Variants in R3HCC1L observed in about 807,000 individuals in gnomAD.
R3HCC1L encodes R3H domain and coiled-coil containing 1 like.
A neutral mutation model predicts 59.9 loss-of-function variants in R3HCC1L; 51 were observed. The ratio of observed to expected loss-of-function variants is 0.85; its 90% confidence interval spans 0.68 to 1.07. The LOEUF is 1.07. Ranked by LOEUF, R3HCC1L falls within the 50% of genes least tolerant of loss-of-function variation. The probability of loss-of-function intolerance (pLI) is 0.00; values close to 1 mark genes in which losing one functional copy is unlikely to be tolerated. For synonymous variants in R3HCC1L, 322 were observed against 315.2 expected (o/e 1.02, Z -0.23); for missense variants, 965 against 933.0 (o/e 1.03, Z -0.45).
intron 1 of R3HCC1L, among the ~76,000 whole-genome samples, chr10:98,154,882 C>T (rs1194695487): frequency 6.6e-6 from 1 of 152,148 alleles, no homozygotes; most frequent in Admixed American, 6.5e-5. Flanking sequence ...CTTCATGAAT[C>T]CTTGCTTAAT....
chr10:98,140,045 G>A (rs1203569284), intron 1 of R3HCC1L, among the ~76,000 whole-genome samples: 1 of 151,984 alleles, frequency 6.6e-6, no homozygotes, highest in Non-Finnish European at 1.5e-5. Context: ...CCTGTGCAGA[G>A]TGAATAATGT....
At chr10:98,174,242 G>A (rs552644401) in intron 4 of R3HCC1L, among the ~76,000 whole-genome samples, 3 of 152,122 alleles carry the variant, frequency 2.0e-5, no homozygotes, top group South Asian at 2.1e-4. Context: ...TTCATGTGTC[G>A]GGCATTGTAT....
chr10:98,147,074 T>G (rs1845728765), intron 1 of R3HCC1L, among the ~76,000 whole-genome samples: 1 of 152,200 alleles, frequency 6.6e-6, no homozygotes, highest in African/African-American at 2.4e-5. Context: ...GCATCTGTTA[T>G]GCCCTGCCTT....
intron 5 of R3HCC1L, among the ~76,000 whole-genome samples, chr10:98,213,542 G>C (rs2135347523): frequency 6.6e-6 from 1 of 152,242 alleles, no homozygotes. Context: ...AACAAAAGGG[G>C]ATTAGATCCC....
chr10:98,188,323 C>T (rs1229351824), intron 4 of R3HCC1L, among the ~76,000 whole-genome samples: 2 of 152,226 alleles, frequency 1.3e-5, no homozygotes, highest in East Asian at 1.9e-4. Context: ...CAGTAGAGAG[C>T]GCAGAATACC....
intron 4 of R3HCC1L, among the ~76,000 whole-genome samples, chr10:98,190,874 G>T (rs576578198): frequency 2.1e-5 from 3 of 139,668 alleles, no homozygotes; most frequent in East Asian, 2.1e-4. Flanking sequence ...TCATTGTTCA[G>T]TTCCTACCTA....
chr10:98,242,495 A>C (rs888128823), intron 9 of R3HCC1L, among the ~76,000 whole-genome samples: 1 of 152,202 alleles, frequency 6.6e-6, no homozygotes, highest in Non-Finnish European at 1.5e-5. Flanking sequence ...AAAGACTATA[A>C]ATAGCTTCGT....
At chr10:98,228,475 A>AT (rs1357293063) in intron 5 of R3HCC1L, among the ~76,000 whole-genome samples, 1 of 152,082 alleles carries the variant, frequency 6.6e-6, no homozygotes, top group Non-Finnish European at 1.5e-5. Flanking sequence ...GTGGATAAAG[A>AT]TATTACTCAT....
At chr10:98,222,170 GCTGT>G (rs1181192763) in intron 5 of R3HCC1L, among the ~76,000 whole-genome samples, 4 of 152,032 alleles carry the variant, frequency 2.6e-5, no homozygotes, top group African/African-American at 4.8e-5. Context: ...TCATTATTTG[GCTGT>G]CTGTTTGTCT....
chr10:98,227,219 CT>C lies in R3HCC1L; in HGVS notation c.1786-4292del, dbSNP rs754241657. On this transcript the variant is annotated intron_variant, in intron 5 of 9. Coordinates refer to ENST00000298999, the MANE Select transcript of R3HCC1L (RefSeq NM_001351015.2). ...CATCTCCTTTAGTCCATGCACTTAT[CT>C]ATGAAGTATAGGTACTGTTATTATT... 3.3e-5 allele frequency among the ~76,000 whole-genome samples: 5 copies of C among 152,274 alleles called. No homozygotes were observed. The South Asian group carries it at 1.0e-3, about 32-fold the overall frequency.
At chr10:98,197,873 G>A (rs913730256) in intron 4 of R3HCC1L, among the ~76,000 whole-genome samples, 1 of 152,148 alleles carries the variant, frequency 6.6e-6, no homozygotes, top group South Asian at 2.1e-4. Context: ...TATAGAAAAG[G>A]TAACCTTTTC....
chr10:98,176,737 T>C lies in R3HCC1L; in HGVS notation c.-15+13340T>C, dbSNP rs527504325. On this transcript the variant is annotated intron_variant, in intron 4 of 9. Coordinates refer to ENST00000298999, the MANE Select transcript of R3HCC1L (RefSeq NM_001351015.2). ...GCACTGGCTAAAACCTCCATTTTAA[T>C]GTCAAATAGAAGTGACAAGTGTGGT... Among the ~76,000 whole-genome samples, 94 of 152,304 alleles carry C rather than the reference T, an allele frequency of 6.2e-4. 1 individual carries two copies. The highest frequency in any genetic ancestry group is 2.1e-3 in the African/African-American group (89 of 41,582).
intron 4 of R3HCC1L, among the ~76,000 whole-genome samples, chr10:98,177,022 AAATTAATTTATT>A (rs1849090833): frequency 1.3e-5 from 2 of 151,950 alleles, no homozygotes; most frequent in African/African-American, 4.8e-5. Context: ...ACATTTTTTA[AAATTAATTTATT>A]AATTAATTTA....
chr10:98,237,207 A>C (rs949569659), intron 9 of R3HCC1L, among the ~76,000 whole-genome samples: 1 of 152,148 alleles, frequency 6.6e-6, no homozygotes, highest in Non-Finnish European at 1.5e-5. Flanking sequence ...TTTTCCAATC[A>C]TTGTTTACTC....
intron 1 of R3HCC1L, among the ~76,000 whole-genome samples, chr10:98,144,459 C>G (rs564858187): frequency 6.6e-6 from 1 of 152,050 alleles, no homozygotes; most frequent in Non-Finnish European, 1.5e-5. Flanking sequence ...TGTGATCTGC[C>G]CACCTCCGCC....
At chr10:98,183,083 C>T (rs34408387) in intron 4 of R3HCC1L, among the ~76,000 whole-genome samples, 2,291 of 152,276 alleles carry the variant, frequency 0.015, 25 homozygotes, top group Non-Finnish European at 0.022. Flanking sequence ...GAACCAGGTA[C>T]CTCAGTTGGA....
chr10:98,165,572 G>C (rs559631868), intron 4 of R3HCC1L, among the ~76,000 whole-genome samples: 1 of 152,208 alleles, frequency 6.6e-6, no homozygotes, highest in African/African-American at 2.4e-5. Context: ...TTTATAGCAA[G>C]CATTGTCAGA....
intron 5 of R3HCC1L, among the ~76,000 whole-genome samples, chr10:98,221,453 C>G (rs1202559805): frequency 6.6e-6 from 1 of 151,018 alleles, no homozygotes; most frequent in Non-Finnish European, 1.5e-5. Flanking sequence ...AAGTCCTTGC[C>G]CATGCCTATG....
At chr10:98,192,799 G>A (rs1286832552) in intron 4 of R3HCC1L, among the ~76,000 whole-genome samples, 1 of 152,118 alleles carries the variant, frequency 6.6e-6, no homozygotes, top group Non-Finnish European at 1.5e-5. Flanking sequence ...AATGAGGTCA[G>A]TATTACCCTG....
Sources: allele counts gnomAD v4.1 joint callset (sites outside exome capture counted in the v4.1 genomes callset), GRCh38; gene constraint gnomAD v4.1.1; transcripts MANE v1.5; gene names NCBI Gene and HGNC (gene_info 2026-07-23, HGNC 2026-07-21).